The following ZNF423 variants were observed in gnomAD, a reference collection of about 807,000 sequenced individuals.
ZNF423 encodes the protein Ebf-associated zinc finger protein.
ZNF423 carries 12 observed loss-of-function variants against 95.8 expected under a neutral mutation model. The observed-to-expected ratio is 0.13, with a 90% CI of 0.08 to 0.20. The LOEUF is 0.20. Ranked by LOEUF, ZNF423 falls within the 10% of genes least tolerant of loss-of-function variation. The probability of loss-of-function intolerance (pLI) is 1.00; values close to 1 mark genes in which losing one functional copy is unlikely to be tolerated. For synonymous variants in ZNF423, 749 were observed against 711.9 expected (o/e 1.05, Z -0.83); for missense variants, 1,316 against 1,737.1 (o/e 0.76, Z 4.31).
At chr16:49,515,757 T>C (rs1968106946) in intron 7 of ZNF423, among the ~76,000 whole-genome samples, 1 of 152,138 alleles carries the variant, frequency 6.6e-6, no homozygotes, top group South Asian at 2.1e-4. Context: ...CATGCACGCA[T>C]CCCCACAGTG....
intron 2 of ZNF423, among the ~76,000 whole-genome samples, chr16:49,774,187 C>A (rs1175140235): frequency 1.3e-5 from 2 of 152,216 alleles, no homozygotes; most frequent in Admixed American, 1.3e-4. Context: ...GAATCCCAGG[C>A]TGGCCACCTC....
intron 2 of ZNF423, among the ~76,000 whole-genome samples, chr16:49,752,423 T>C (rs990417425): frequency 6.6e-6 from 1 of 152,228 alleles, no homozygotes; most frequent in African/African-American, 2.4e-5. Context: ...AGTAGGGGTC[T>C]GGGGGAGCAA....
intron 2 of ZNF423, among the ~76,000 whole-genome samples, chr16:49,768,305 G>A (rs897107458): frequency 9.8e-5 from 15 of 152,314 alleles, no homozygotes; most frequent in Non-Finnish European, 1.8e-4. Context: ...TCATTAACCC[G>A]TGAGCCCCAA....
At chr16:49,529,441 AT>A in intron 5 of ZNF423, among the ~76,000 whole-genome samples, 1 of 152,286 alleles carries the variant, frequency 6.6e-6, no homozygotes. Flanking sequence ...TTTACACTTC[AT>A]TTCTCAAAAA....
At chr16:49,712,744 G>T (rs2032583151) in intron 3 of ZNF423, among the ~76,000 whole-genome samples, 1 of 152,238 alleles carries the variant, frequency 6.6e-6, no homozygotes, top group Admixed American at 6.5e-5. Context: ...TATCCTCTGG[G>T]GGTCCCGGGA....
chr16:49,749,462 A>C (rs1440399757), intron 2 of ZNF423, among the ~76,000 whole-genome samples: 1 of 152,278 alleles, frequency 6.6e-6, no homozygotes, highest in Non-Finnish European at 1.5e-5. Context: ...CTGATGTCAA[A>C]GATACAAGCC....
At chr16:49,841,135 A>C (rs2035178565) in intron 1 of ZNF423, among the ~76,000 whole-genome samples, 1 of 152,212 alleles carries the variant, frequency 6.6e-6, no homozygotes, top group Non-Finnish European at 1.5e-5. Flanking sequence ...AGGCTTACCA[A>C]TAACATGGCA....
intron 5 of ZNF423, among the ~76,000 whole-genome samples, chr16:49,557,747 G>T (rs1969881412): frequency 6.6e-6 from 1 of 152,198 alleles, no homozygotes; most frequent in Non-Finnish European, 1.5e-5. Flanking sequence ...CCTCAAGGAT[G>T]GTAGAAGGCC....
At chr16:49,781,476 G>A (rs918396922) in intron 2 of ZNF423, among the ~76,000 whole-genome samples, 2 of 152,172 alleles carry the variant, frequency 1.3e-5, no homozygotes, top group Non-Finnish European at 2.9e-5. Flanking sequence ...GCTTATAGAC[G>A]AATGGAGCTC....
rs1378094358 is a variant in ZNF423, at chr16:49,492,089, G to A, written c.3850-785C>T. 6.6e-6 allele frequency among the ~76,000 whole-genome samples: 1 copy of A among 152,226 alleles called. No homozygotes were observed. The highest frequency in any genetic ancestry group is 2.4e-5 in the African/African-American group (1 of 41,464). On this transcript the variant is annotated intron_variant, in intron 7 of 7. Coordinates refer to ENST00000563137, the MANE Select transcript of ZNF423 (RefSeq NM_001379286.1). This position sits in a 1 kb window ranked among gnomAD's most constrained non-coding sequence, Gnocchi z 4.2. ...TTTCCTCCCCCTGCCAGCCAGAGGGGGCCAGCAGGGTTGATCTGTTTCACA... is the reference window on the plus strand; with the variant it reads ...TTTCCTCCCCCTGCCAGCCAGAGGGAGCCAGCAGGGTTGATCTGTTTCACA...
At chr16:49,671,695 T>A (rs895615248) in intron 3 of ZNF423, among the ~76,000 whole-genome samples, 2 of 152,192 alleles carry the variant, frequency 1.3e-5, no homozygotes, top group African/African-American at 2.4e-5. Flanking sequence ...ATTTATTATT[T>A]TTTTTTGAGG....
intron 5 of ZNF423, among the ~76,000 whole-genome samples, chr16:49,552,945 G>A (rs1387862278): frequency 6.6e-6 from 1 of 152,082 alleles, no homozygotes; most frequent in East Asian, 1.9e-4. Flanking sequence ...CAGCATTTAT[G>A]GTGCAAGCAA....
At chr16:49,704,809 G>A (rs1378121092) in intron 3 of ZNF423, among the ~76,000 whole-genome samples, 1 of 152,072 alleles carries the variant, frequency 6.6e-6, no homozygotes, top group Non-Finnish European at 1.5e-5. Context: ...AAATATGGCT[G>A]CCAGAGCTTG....
At chr16:49,811,748 CT>C (rs1015154907) in intron 1 of ZNF423, among the ~76,000 whole-genome samples, 3 of 151,892 alleles carry the variant, frequency 2.0e-5, no homozygotes, top group African/African-American at 7.3e-5. Context: ...AGCTGGCCTC[CT>C]ACCCCCACCC....
chr16:49,531,962 C>T (rs566695378), intron 5 of ZNF423, among the ~76,000 whole-genome samples: 3 of 152,314 alleles, frequency 2.0e-5, no homozygotes, highest in Middle Eastern at 3.4e-3. Flanking sequence ...CGTCCATTAA[C>T]GCTTGAGAAC....
intron 3 of ZNF423, among the ~76,000 whole-genome samples, chr16:49,713,957 C>T (rs2032624784): frequency 1.3e-5 from 2 of 152,120 alleles, no homozygotes; most frequent in Admixed American, 6.5e-5. Context: ...TGGCTTTCTC[C>T]CTGCAACTCC....
intron 5 of ZNF423, among the ~76,000 whole-genome samples, chr16:49,569,848 T>C (rs1419948163): frequency 6.6e-6 from 1 of 152,216 alleles, no homozygotes; most frequent in African/African-American, 2.4e-5. Flanking sequence ...ATTTGTTAAA[T>C]TCATTTAATC....
At chr16:49,657,202 G>A (rs1409953356) in intron 3 of ZNF423, among the ~76,000 whole-genome samples, 1 of 152,216 alleles carries the variant, frequency 6.6e-6, no homozygotes, top group African/African-American at 2.4e-5. Context: ...CACACACTGT[G>A]TGACCTCAAA....
intron 3 of ZNF423, among the ~76,000 whole-genome samples, chr16:49,705,823 C>G (rs1370567864): frequency 1.3e-5 from 2 of 152,240 alleles, no homozygotes; most frequent in Non-Finnish European, 2.9e-5. Context: ...GCTGGGATTA[C>G]AGGCATGAGC....
Sources: gnomAD v4.1 joint callset for allele counts (sites outside exome capture counted in the v4.1 genomes callset) on GRCh38, gnomAD v4.1.1 for gene constraint, Gnocchi (gnomAD v3.1) non-coding constraint, MANE v1.5 for transcripts, NCBI Gene and HGNC (gene_info 2026-07-23, HGNC 2026-07-21) for gene names.